DOK5: variants seen among roughly 807,000 people sequenced by gnomAD.
DOK5 encodes docking protein 5.
Under a neutral mutation model 43.3 loss-of-function variants are expected in DOK5, and 27 were observed. The observed-to-expected ratio is 0.62, with a 90% CI of 0.46 to 0.86. The LOEUF is 0.86. Ranked by LOEUF, DOK5 falls within the 40% of genes least tolerant of loss-of-function variation. The pLI, the probability that DOK5 is intolerant of heterozygous loss-of-function variation, is 0.00. For synonymous variants in DOK5, 146 were observed against 140.1 expected, an observed-to-expected ratio of 1.04 and a Z score of -0.30; for missense variants, 373 against 392.9, an observed-to-expected ratio of 0.95 and a Z score of 0.43.
intron 7 of DOK5, among the ~76,000 whole-genome samples, chr20:54,646,248 G>GTTTTTCTTTT (rs1979415423): frequency 1.3e-5 from 1 of 79,922 alleles, no homozygotes; most frequent in Non-Finnish European, 2.2e-5. Context: ...TGGTTATACT[G>GTTTTTCTTTT]TTTTTTTTTT....
chr20:54,638,505 A>G (rs530688480), intron 6 of DOK5, among the ~76,000 whole-genome samples: 1 of 152,268 alleles, frequency 6.6e-6, no homozygotes, highest in Non-Finnish European at 1.5e-5. Flanking sequence ...TAGCATGAGG[A>G]TATATAGTCC....
chr20:54,490,097 TTTTTC>T (rs1350893895), intron 1 of DOK5, among the ~76,000 whole-genome samples: 6 of 152,178 alleles, frequency 3.9e-5, no homozygotes, highest in Non-Finnish European at 5.9e-5. Context: ...TGTGCAGGCT[TTTTTC>T]TTTTAAGAGT....
chr20:54,475,864 T>G lies in DOK5; in HGVS notation c.-83T>G. 1 of 1,552,738 alleles carries G rather than the reference T, an allele frequency of 6.4e-7. No individual in the cohort carries two copies. Among genetic ancestry groups the G allele is most frequent in the Non-Finnish European group, 8.8e-7 (1 of 1,137,052 alleles). On this transcript the variant is annotated 5_prime_UTR_variant, in exon 1 of 8. Transcript: ENST00000262593. This position sits in a 1 kb window ranked among gnomAD's most constrained non-coding sequence, Gnocchi z 4.2. ...CTCCAACTTTCTCCCACCGACTGCT[T>G]GTCTTGACCCTGCCCTCCACCCTCC...
intron 5 of DOK5, among the ~76,000 whole-genome samples, chr20:54,594,191 C>A (rs1986065688): frequency 6.6e-6 from 1 of 152,000 alleles, no homozygotes; most frequent in South Asian, 2.1e-4. Flanking sequence ...AATACCTATT[C>A]ATCATTGGGT....
intron 2 of DOK5, among the ~76,000 whole-genome samples, chr20:54,566,200 G>A (rs1006473453): frequency 3.4e-5 from 5 of 146,888 alleles, no homozygotes; most frequent in Admixed American, 7.0e-5. Flanking sequence ...CCTTCTTCAC[G>A]CAACATAACT....
intron 1 of DOK5, among the ~76,000 whole-genome samples, chr20:54,490,383 A>T (rs1982117801): frequency 6.6e-6 from 1 of 151,818 alleles, no homozygotes; most frequent in Admixed American, 6.6e-5. Context: ...AAATTTAATC[A>T]GATAAATACA....
chr20:54,588,290 A>G (rs1193867842), intron 2 of DOK5, among the ~76,000 whole-genome samples, 193 bp from the exon 3 acceptor site: 1 of 152,244 alleles, frequency 6.6e-6, no homozygotes, highest in Admixed American at 6.5e-5. Context: ...TAATTTGTTA[A>G]CCATCCTTGC....
rs1022411376 is a variant in DOK5 at position 54,628,028 on chromosome 20, G to A, written c.736-15430G>A. Among the ~76,000 whole-genome samples, 5 of 152,166 alleles carry A rather than the reference G, an allele frequency of 3.3e-5. 1 individual carries two copies. ...CGGTTCACAGTGAGACATACTCACT[G>A]ATCAGTAATCACATCCTGTGCTGAG... On this transcript the variant is annotated intron_variant, in intron 6 of 7. Transcript: ENST00000262593.
intron 1 of DOK5, among the ~76,000 whole-genome samples, chr20:54,527,093 A>G (rs1316750675): frequency 6.6e-6 from 1 of 152,194 alleles, no homozygotes; most frequent in Admixed American, 6.6e-5. Flanking sequence ...TATTTCCTTA[A>G]TATTTCTGTC....
intron 1 of DOK5, among the ~76,000 whole-genome samples, chr20:54,549,976 G>C (rs1195660772): frequency 6.6e-6 from 1 of 152,058 alleles, no homozygotes; most frequent in East Asian, 1.9e-4. Flanking sequence ...TATTTCAAGG[G>C]AGCCAATCGT....
intron 7 of DOK5, among the ~76,000 whole-genome samples, chr20:54,644,923 G>GT (rs1979325851): frequency 7.7e-6 from 1 of 129,674 alleles, no homozygotes; most frequent in Non-Finnish European, 1.7e-5. Flanking sequence ...GTTTTGTTTT[G>GT]TTTTTCATTT....
At chr20:54,496,705 G>A (rs373771018) in intron 1 of DOK5, among the ~76,000 whole-genome samples, 26 of 144,998 alleles carry the variant, frequency 1.8e-4, no homozygotes, top group African/African-American at 6.6e-4. Flanking sequence ...GGTGGAGCTT[G>A]CAGTGAGCCG....
chr20:54,477,277 G>A (rs1035306276), intron 1 of DOK5, among the ~76,000 whole-genome samples: 2 of 152,212 alleles, frequency 1.3e-5, no homozygotes, highest in African/African-American at 4.8e-5. Flanking sequence ...AACTCAGCTA[G>A]GGAGGGAAGC....
chr20:54,481,057 C>G (rs1981679861), intron 1 of DOK5, among the ~76,000 whole-genome samples: 1 of 116,820 alleles, frequency 8.6e-6, no homozygotes, highest in Non-Finnish European at 1.8e-5. Context: ...ATCTGTCTAT[C>G]ATCTATCTAT....
chr20:54,558,065 G>A (rs752600597), intron 2 of DOK5, among the ~76,000 whole-genome samples: 1 of 152,196 alleles, frequency 6.6e-6, no homozygotes, highest in Non-Finnish European at 1.5e-5. Context: ...ACATACAGAT[G>A]TCTATGTGTC....
chr20:54,556,868 A>G (rs6023360), intron 2 of DOK5, among the ~76,000 whole-genome samples: 52 of 152,320 alleles, frequency 3.4e-4, no homozygotes, highest in African/African-American at 1.2e-3. Context: ...CAATCCAAAC[A>G]TCTAATTCTT....
At chr20:54,534,750 C>G (rs1376330756) in intron 1 of DOK5, among the ~76,000 whole-genome samples, 1 of 152,200 alleles carries the variant, frequency 6.6e-6, no homozygotes, top group Non-Finnish European at 1.5e-5. Context: ...TTAAAACAAA[C>G]AACAAAAACA....
chr20:54,589,058 C>T (rs41282816), intron 4 of DOK5, among the ~76,000 whole-genome samples: 2,166 of 152,084 alleles, frequency 0.014, 15 homozygotes, highest in Middle Eastern at 0.041. Flanking sequence ...TGCTATGTGC[C>T]AGTTTGGTGG....
chr20:54,644,967 G>A (rs901101935), intron 7 of DOK5, among the ~76,000 whole-genome samples: 5 of 139,906 alleles, frequency 3.6e-5, no homozygotes, highest in South Asian at 2.4e-4. Context: ...TATGTTATGC[G>A]CCTTTGTGGG....
Sources: allele counts gnomAD v4.1 joint callset (sites outside exome capture counted in the v4.1 genomes callset), GRCh38; gene constraint gnomAD v4.1.1; non-coding constraint Gnocchi (gnomAD v3.1); transcripts MANE v1.5; gene names NCBI Gene and HGNC (gene_info 2026-07-23, HGNC 2026-07-21).